Variants in INO80 observed in about 807,000 individuals in gnomAD.
INO80 encodes the protein INO80 complex ATPase subunit.
A neutral mutation model predicts 203.4 loss-of-function variants in INO80; 20 were observed. That is an observed-to-expected ratio of 0.10 (90% CI 0.07 to 0.14). The LOEUF is 0.14. Among genes scored for constraint, INO80 ranks in the 10% least tolerant of loss-of-function variants. The probability of loss-of-function intolerance (pLI) is 1.00; values close to 1 mark genes in which losing one functional copy is unlikely to be tolerated. For missense variants in INO80, 1,419 were observed against 1,914.4 expected, an observed-to-expected ratio of 0.74 and a Z score of 4.83; for synonymous variants, 726 against 685.2, an observed-to-expected ratio of 1.06 and a Z score of -0.93.
rs568307947 is a variant in INO80, at chr15:41,087,421, A to T, written c.658+141T>A. On this transcript the variant is annotated intron_variant, in intron 6 of 35. Coordinates refer to ENST00000648947, the MANE Select transcript of INO80 (RefSeq NM_017553.3). ...TACCAAAGGGAAAACTGTACTTGCT[A>T]CTAATTAGAAAGGAGAGTTTTTCAG... The T allele has an allele frequency of 7.0e-6, 6 of 859,084 alleles. No individual in the cohort carries two copies. The East Asian group carries it at 1.5e-4, about 22-fold the overall frequency. The allele number at this position is 859,084 out of a possible 1,614,324, so 53.2% of individuals were successfully genotyped here.
At chr15:40,992,181 G>A (rs1464325006) in intron 29 of INO80, among the ~76,000 whole-genome samples, 1 of 152,238 alleles carries the variant, frequency 6.6e-6, no homozygotes, top group East Asian at 1.9e-4. Context: ...CCTCTGCAGA[G>A]GGCTAAAAGC....
At chr15:41,025,419 A>C (rs1000411874) in intron 25 of INO80, among the ~76,000 whole-genome samples, 5 of 152,190 alleles carry the variant, frequency 3.3e-5, no homozygotes, top group Admixed American at 3.3e-4. Flanking sequence ...TTGGCTCTTT[A>C]AACACTGGGA....
chr15:40,996,136 C>G (rs1306510485), intron 29 of INO80, among the ~76,000 whole-genome samples: 1 of 152,160 alleles, frequency 6.6e-6, no homozygotes, highest in Admixed American at 6.5e-5. Context: ...AGTTTGCTTT[C>G]TCCTCACAGT....
rs546388722 is a variant in INO80 at position 41,046,175 on chromosome 15, G to C, written c.2736-1100C>G. 1.6e-4 allele frequency among the ~76,000 whole-genome samples: 18 copies of C among 114,362 alleles called. No homozygotes were observed. In the East Asian group the frequency reaches 2.7e-3, roughly 17 times the overall value. The allele number at this position is 114,362 out of a possible 152,430, so 75.0% of individuals were successfully genotyped here. On this transcript the variant is annotated intron_variant, in intron 23 of 35. Transcript: ENST00000648947. ...TGTGTGTGTGTCTGTGTGTGTGTGT[G>C]TCTGTGTGTGTCTCTGTGTGCGTAT...
At chr15:41,032,654 C>CT (rs1230118313) in intron 24 of INO80, among the ~76,000 whole-genome samples, 1 of 152,166 alleles carries the variant, frequency 6.6e-6, no homozygotes, top group Non-Finnish European at 1.5e-5. Flanking sequence ...CAAAACAACT[C>CT]TATGTTTAGA....
At chr15:41,112,844 T>C (rs975531247) in intron 1 of INO80, among the ~76,000 whole-genome samples, 8 of 149,266 alleles carry the variant, frequency 5.4e-5, no homozygotes, top group African/African-American at 2.0e-4. Flanking sequence ...AAAAACTTAG[T>C]CTCCTATTAA....
chr15:41,056,800 A>C, intron 16 of INO80, 94 bp from the exon 17 acceptor site: 1 of 940,752 alleles, frequency 1.1e-6, no homozygotes, highest in Non-Finnish European at 1.7e-6. Context: ...TGCCTTCCAA[A>C]AAACTAACAT....
At chr15:40,996,531 G>A (rs1413789244) in intron 29 of INO80, among the ~76,000 whole-genome samples, 2 of 151,490 alleles carry the variant, frequency 1.3e-5, no homozygotes, top group Admixed American at 6.6e-5. Flanking sequence ...TCACCATGTT[G>A]GCCAGGATGA....
At chr15:41,080,989 TGAAA>T (rs1566941574) in intron 8 of INO80, 27 bp downstream of exon 8, 1 of 1,464,822 alleles carries the variant, frequency 6.8e-7, no homozygotes, top group Non-Finnish European at 9.6e-7. Flanking sequence ...CAGCAAAACA[TGAAA>T]TGGAAAATAC....
intron 5 of INO80, among the ~76,000 whole-genome samples, chr15:41,088,336 T>TC (rs1566944552): frequency 3.3e-5 from 5 of 151,958 alleles, no homozygotes; most frequent in African/African-American, 9.7e-5. Flanking sequence ...GGTCAGCCCA[T>TC]CTCAGTGTCA....
chr15:41,060,131 A>C (rs1372039781), intron 14 of INO80, among the ~76,000 whole-genome samples: 1 of 152,232 alleles, frequency 6.6e-6, no homozygotes, highest in Non-Finnish European at 1.5e-5. Flanking sequence ...TGAAGGCATA[A>C]AACAGCTACT....
intron 14 of INO80, among the ~76,000 whole-genome samples, chr15:41,062,626 A>G (rs1270741720): frequency 1.3e-5 from 2 of 152,168 alleles, no homozygotes; most frequent in African/African-American, 4.8e-5. Flanking sequence ...TTAATCTCCA[A>G]TGCAACAGTA....
In INO80 at chr15:41,040,643, C is replaced by T. The variant is rs550993103; in HGVS notation, c.2907+4261G>A. On this transcript the variant is annotated intron_variant, in intron 24 of 35. Transcript: ENST00000648947. ...TCCCAGCACTTTGGGAGGCTGAGGC[C>T]GGAGGATTGTTTGAGGCCAGAGTTC... Among the ~76,000 whole-genome samples, 20 of 152,076 alleles carry T rather than the reference C, an allele frequency of 1.3e-4. No individual in the cohort carries two copies. In the South Asian group the frequency reaches 3.1e-3, roughly 24 times the overall value.
chr15:41,108,516 C>T (rs1486850856), intron 1 of INO80, among the ~76,000 whole-genome samples: 12 of 144,774 alleles, frequency 8.3e-5, no homozygotes, highest in Non-Finnish European at 9.0e-5. Flanking sequence ...GGCATGAACT[C>T]GGGAGGCGGA....
At chr15:41,088,861 T>C (rs1375116519) in intron 5 of INO80, among the ~76,000 whole-genome samples, 3 of 152,174 alleles carry the variant, frequency 2.0e-5, no homozygotes, top group African/African-American at 7.2e-5. Context: ...CCTATATGTA[T>C]GTTTTATCTG....
chr15:40,984,494 T>G lies in INO80; in HGVS notation c.3922-142A>C, dbSNP rs1159597115. ...TAGCATATTTTTACGGAAGAAAAAC[T>G]GCATAAGGAAGAAGGGATAGCTTAA... On this transcript the variant is annotated intron_variant, in intron 32 of 35. Coordinates refer to ENST00000648947, the MANE Select transcript of INO80 (RefSeq NM_017553.3). The G allele has an allele frequency of 8.1e-6, 6 of 740,526 alleles. No individual in the cohort carries two copies. The South Asian group carries it at 9.6e-5, about 12-fold the overall frequency. The allele number at this position is 740,526 out of a possible 1,614,324, so 45.9% of individuals were successfully genotyped here.
rs758415868 is a variant in INO80, at chr15:40,979,718, T to A, written c.*505A>T. On this transcript the variant is annotated 3_prime_UTR_variant, in exon 36 of 36. Transcript: ENST00000648947. ...TCACTGCTCTCTCCAATGATGACACTCTGGGGTTCAGAGACCTGGGGAGCT... is the reference window on the plus strand; with the variant it reads ...TCACTGCTCTCTCCAATGATGACACACTGGGGTTCAGAGACCTGGGGAGCT... 11 of 169,658 alleles carry A rather than the reference T, an allele frequency of 6.5e-5. No individual in the cohort carries two copies. Among genetic ancestry groups the A allele is most frequent in the Admixed American group, 2.2e-4 (4 of 18,006 alleles). 10.5% of individuals were successfully genotyped at this position (169,658 alleles called of 1,614,324 possible). A position where few individuals can be genotyped will look rare whatever the true frequency, so the allele number is the denominator to read the frequency against.
At chr15:40,980,529 TGGA>T (rs1893787945) in intron 35 of INO80, 89 bp from the exon 36 acceptor site, 4 of 969,350 alleles carry the variant, frequency 4.1e-6, no homozygotes, top group Middle Eastern at 3.1e-4. Context: ...GAGTCTGAGC[TGGA>T]GGAGAAGTGG....
At chr15:41,041,616 T>A (rs1311378730) in intron 24 of INO80, among the ~76,000 whole-genome samples, 1 of 150,722 alleles carries the variant, frequency 6.6e-6, no homozygotes, top group Non-Finnish European at 1.5e-5. Context: ...AATTTTTGTA[T>A]TTTTTTAGTA....
Sources: gnomAD v4.1 joint callset for allele counts (sites outside exome capture counted in the v4.1 genomes callset) on GRCh38, gnomAD v4.1.1 for gene constraint, MANE v1.5 for transcripts, NCBI Gene and HGNC (gene_info 2026-07-23, HGNC 2026-07-21) for gene names.